The following AGAP1 variants were observed in gnomAD, a reference collection of about 807,000 sequenced individuals.
AGAP1 encodes arf-GAP with GTPase, ANK repeat and PH domain-containing protein 1.
AGAP1 carries 29 observed loss-of-function variants against 105.3 expected under a neutral mutation model. The ratio of observed to expected loss-of-function variants is 0.28; its 90% CI spans 0.21 to 0.38. The LOEUF is 0.38. Ranked by LOEUF, AGAP1 falls within the 10% of genes least tolerant of loss-of-function variation. AGAP1 has a pLI of 1.00. For missense variants in AGAP1, 998 were observed against 1,165.1 expected (o/e 0.86, Z 2.09); for synonymous variants, 509 against 485.9 (o/e 1.05, Z -0.63).
Position 235,551,714 on chromosome 2 carries a change from G to T in AGAP1, c.163+56865G>T, listed in dbSNP as rs1048741888. On this transcript the variant is annotated intron_variant, in intron 1 of 17. Transcript: ENST00000304032. This position sits in a 1 kb window ranked among gnomAD's most constrained non-coding sequence, Gnocchi z 4.8. ...TGCAGGATGTTTGCTGAGCATTTGT[G>T]AGTGGAGCATCTTTAGGGAAAGCAG... 1.3e-5 allele frequency among the ~76,000 whole-genome samples: 2 copies of T among 152,236 alleles called. No homozygotes were observed. Among genetic ancestry groups the T allele is most frequent in the African/African-American group, 2.4e-5 (1 of 41,470 alleles).
rs1946499434 is a variant in AGAP1, at chr2:235,621,993, G to C, written c.164-87186G>C. ...CCTTTTTGTTGTAGCTGATGGAGCA[G>C]AATTTTAAATGCATTCCTCTAACTA... On this transcript the variant is annotated intron_variant, in intron 1 of 17. Transcript: ENST00000304032. This position sits in a 1 kb window ranked among gnomAD's most constrained non-coding sequence, Gnocchi z 4.1. Among the ~76,000 whole-genome samples the C allele has an allele frequency of 1.3e-5, 2 of 152,232 alleles. No individual in the cohort carries two copies. Among genetic ancestry groups the C allele is most frequent in the Admixed American group, 1.3e-4 (2 of 15,292 alleles).
At chr2:235,786,921 G>T (rs925429579) in intron 6 of AGAP1, among the ~76,000 whole-genome samples, 1 of 152,194 alleles carries the variant, frequency 6.6e-6, no homozygotes, top group South Asian at 2.1e-4. Context: ...TCTCTTCCCC[G>T]CTTGTTCTGG....
chr2:236,120,104 C>G lies in AGAP1; in HGVS notation c.2115-88C>G. On this transcript the variant is annotated intron_variant, in intron 16 of 17. Coordinates refer to ENST00000304032, the MANE Select transcript of AGAP1 (RefSeq NM_001037131.3). This position sits in a 1 kb window ranked among gnomAD's most constrained non-coding sequence, Gnocchi z 6.0. ...GCTTTCTGTTATTTCACTTCCCTCT[C>G]GGCTTCTCCCGACCACACTGGGCAG... 1 of 1,519,400 alleles carries G rather than the reference C, an allele frequency of 6.6e-7. No homozygotes were observed. Among genetic ancestry groups the G allele is most frequent in the Non-Finnish European group, 8.8e-7 (1 of 1,132,182 alleles). 94.1% of individuals were successfully genotyped at this position (1,519,400 alleles called of 1,614,324 possible).
At chr2:235,587,343 G>A (rs987060468) in intron 1 of AGAP1, among the ~76,000 whole-genome samples, 2 of 152,172 alleles carry the variant, frequency 1.3e-5, no homozygotes, top group African/African-American at 2.4e-5. Flanking sequence ...TTTCAGTTGC[G>A]CATCCTCCTT....
At chr2:235,645,086 G>A (rs964218326) in intron 1 of AGAP1, among the ~76,000 whole-genome samples, 3 of 152,072 alleles carry the variant, frequency 2.0e-5, no homozygotes, top group African/African-American at 7.2e-5. Context: ...AGTAGAGACA[G>A]GGTTTTACCA....
chr2:235,613,364 G>A (rs1416240769), intron 1 of AGAP1, among the ~76,000 whole-genome samples: 1 of 152,096 alleles, frequency 6.6e-6, no homozygotes, highest in Non-Finnish European at 1.5e-5. Context: ...CTTTTAATTT[G>A]GCAGCTTATT....
Position 235,744,780 on chromosome 2 carries a change from G to A in AGAP1, c.479G>A (p.Ser160Asn). 6.2e-7 allele frequency: 1 copy of A among 1,613,986 alleles called. No individual in the cohort carries two copies. Among genetic ancestry groups the A allele is most frequent in the Non-Finnish European group, 8.5e-7 (1 of 1,180,032 alleles). Reference sequence around the variant, plus strand: ...TTCCAGACCGTTTACCACTACTACAGTCGAATGGCCAACTATCGGAACACG... The same window carrying A: ...TTCCAGACCGTTTACCACTACTACAATCGAATGGCCAACTATCGGAACACG... ...ISFQTVYHYY[S>N]RMANYRNTSE... The change falls in exon 5 of 18, where the codon AGT becomes AAT. Residue 160 changes from serine (S) to asparagine (N), a missense_variant. By Grantham distance (46) the Ser-to-Asn change is conservative. Around this residue, in one of 3 missense-constraint regions of AGAP1, gnomAD observed 735 missense variants for 833.4 expected, o/e 0.88. Coordinates refer to ENST00000304032, the MANE Select transcript of AGAP1 (RefSeq NM_001037131.3). The surrounding 1 kb of genome is among the most constrained non-coding windows in gnomAD (Gnocchi z 5.2).
At chr2:235,670,372 T>G in intron 1 of AGAP1, 1 of 547,742 alleles carries the variant, frequency 1.8e-6, no homozygotes, top group Non-Finnish European at 3.3e-6. Flanking sequence ...GCGCTTGGGA[T>G]TTCCGCACCT....
rs2059711011 is a variant in AGAP1 at position 236,113,943 on chromosome 2, T to A, written c.2115-6249T>A. On this transcript the variant is annotated intron_variant, in intron 16 of 17. Coordinates refer to ENST00000304032, the MANE Select transcript of AGAP1 (RefSeq NM_001037131.3). This position sits in a 1 kb window ranked among gnomAD's most constrained non-coding sequence, Gnocchi z 4.3. The stretch of plus-strand genomic sequence containing the variant: ...AATACGATGGCGCCTGAAATGTACC[T>A]TTTCTTTTTATTTTGGGGATTGGGT... Among the ~76,000 whole-genome samples, 1 of 152,122 alleles carries A rather than the reference T, an allele frequency of 6.6e-6. No homozygotes were observed. Among genetic ancestry groups the A allele is most frequent in the South Asian group, 2.1e-4 (1 of 4,818 alleles).
At position 236,105,576 on chromosome 2, in the gene AGAP1, GAC is replaced by G. The variant is rs1461627088; in HGVS notation, c.2115-14612_2115-14611del. Among the ~76,000 whole-genome samples the G allele has an allele frequency of 8.9e-5, 10 of 112,392 alleles. No homozygotes were observed. The highest frequency in any genetic ancestry group is 1.5e-4 in the Non-Finnish European group (9 of 58,540). The allele number at this position is 112,392 out of a possible 152,430, so 73.7% of individuals were successfully genotyped here. A position where few individuals can be genotyped will look rare whatever the true frequency, so the allele number is the denominator to read the frequency against. ...TTTTTTTTTTTTTTTTTTTTTTTGA[GAC>G]ACAGTCTCGCTCTGTCACCCAGGCT... On this transcript the variant is annotated intron_variant, in intron 16 of 17. Coordinates refer to ENST00000304032, the MANE Select transcript of AGAP1 (RefSeq NM_001037131.3). The surrounding 1 kb of genome is among the most constrained non-coding windows in gnomAD (Gnocchi z 4.2).
At chr2:235,539,575 C>T (rs13387216) in intron 1 of AGAP1, among the ~76,000 whole-genome samples, 8,606 of 152,172 alleles carry the variant, frequency 0.057, 741 homozygotes, top group African/African-American at 0.19. Flanking sequence ...CCCATATTTC[C>T]CCTCTAGGGT....
rs1160386067 is a variant in AGAP1, at chr2:236,005,848, G to A, written c.1646-30713G>A. ...ACCATCAACTTTATTTATGGCTGCT[G>A]ATGTTGACCTTGATCCTTTGACTTG... is the stretch of plus-strand genomic sequence containing the variant. On this transcript the variant is annotated intron_variant, in intron 13 of 17. Transcript: ENST00000304032. This position sits in a 1 kb window ranked among gnomAD's most constrained non-coding sequence, Gnocchi z 4.1. Among the ~76,000 whole-genome samples the A allele has an allele frequency of 6.6e-6, 1 of 152,206 alleles. No individual in the cohort carries two copies. The highest frequency in any genetic ancestry group is 2.4e-5 in the African/African-American group (1 of 41,444).
At chr2:235,726,073 T>C (rs550768697) in intron 3 of AGAP1, among the ~76,000 whole-genome samples, 2 of 152,230 alleles carry the variant, frequency 1.3e-5, no homozygotes, top group Non-Finnish European at 2.9e-5. Context: ...CATATTGTTA[T>C]AATTAATTTG....
chr2:236,014,998 C>A lies in AGAP1; in HGVS notation c.1646-21563C>A, dbSNP rs768489005. On this transcript the variant is annotated intron_variant, in intron 13 of 17. Transcript: ENST00000304032. This position sits in a 1 kb window ranked among gnomAD's most constrained non-coding sequence, Gnocchi z 6.3. ...AATGCAATTTGCCCAAAGCCGCATG[C>A]TCCCTTATTGTGTTTGCAGAGTCAT... 24 of 306,682 alleles carry A rather than the reference C, an allele frequency of 7.8e-5. No homozygotes were observed. The highest frequency in any genetic ancestry group is 5.7e-4 in the Admixed American group (11 of 19,316). The allele number at this position is 306,682 out of a possible 1,614,324, so 19.0% of individuals were successfully genotyped here.
At chr2:235,922,413 G>A (rs1236531190) in intron 11 of AGAP1, among the ~76,000 whole-genome samples, 1 of 152,182 alleles carries the variant, frequency 6.6e-6, no homozygotes, top group Non-Finnish European at 1.5e-5. Context: ...CCATCACCAA[G>A]AGTTGCTCCT....
Position 235,550,073 on chromosome 2 carries a change from G to A in AGAP1, c.163+55224G>A, listed in dbSNP as rs919593493. Reference sequence around the variant, plus strand: ...TGTACATTTTTAGGAAGGACGGGTAGGGTTGCTGCTTCAGAGATCAAGTGG... The same window carrying A: ...TGTACATTTTTAGGAAGGACGGGTAAGGTTGCTGCTTCAGAGATCAAGTGG... On this transcript the variant is annotated intron_variant, in intron 1 of 17. Transcript: ENST00000304032. The surrounding 1 kb of genome is among the most constrained non-coding windows in gnomAD (Gnocchi z 4.6). Among the ~76,000 whole-genome samples, 1 of 152,180 alleles carries A rather than the reference G, an allele frequency of 6.6e-6. No homozygotes were observed. Among genetic ancestry groups the A allele is most frequent in the Non-Finnish European group, 1.5e-5 (1 of 68,024 alleles).
chr2:235,699,766 C>T (rs961740895), intron 1 of AGAP1, among the ~76,000 whole-genome samples: 5 of 152,192 alleles, frequency 3.3e-5, no homozygotes, highest in Admixed American at 1.3e-4. Flanking sequence ...AACCAGCATT[C>T]GCAGTGGGGG....
chr2:235,834,390 G>A (rs1440090105), intron 9 of AGAP1, among the ~76,000 whole-genome samples: 1 of 152,182 alleles, frequency 6.6e-6, no homozygotes, highest in South Asian at 2.1e-4. Context: ...TTCAAAGGGT[G>A]TATCCTGGTT....
chr2:235,980,473 A>G (rs2055045090), intron 13 of AGAP1, among the ~76,000 whole-genome samples: 1 of 152,142 alleles, frequency 6.6e-6, no homozygotes, highest in African/African-American at 2.4e-5. Context: ...TTTCCGTCTA[A>G]TTTCTGTTTA....
Sources: gnomAD v4.1 joint callset for allele counts (sites outside exome capture counted in the v4.1 genomes callset) on GRCh38, gnomAD v4.1.1 for gene constraint, gnomAD v4.1.1 regional missense constraint, Gnocchi (gnomAD v3.1) non-coding constraint, MANE v1.5 for transcripts, NCBI Gene and HGNC (gene_info 2026-07-23, HGNC 2026-07-21) for gene names.